Variants in KCND2 observed in about 807,000 individuals in gnomAD.
The protein encoded by KCND2 is A-type voltage-gated potassium channel KCND2.
A neutral mutation model predicts 54.4 loss-of-function variants in KCND2; 16 were observed. The ratio of observed to expected loss-of-function variants is 0.29; its 90% confidence interval spans 0.20 to 0.45. The LOEUF is 0.45. KCND2 is among the 20% of genes least tolerant of loss of function. KCND2 has a pLI of 1.00. For missense variants in KCND2, 486 were observed against 824.2 expected (o/e 0.59, Z 5.02); for synonymous variants, 317 against 310.7 (o/e 1.02, Z -0.21).
At chr7:120,362,530 T>C (rs1800606250) in intron 1 of KCND2, among the ~76,000 whole-genome samples, 1 of 152,034 alleles carries the variant, frequency 6.6e-6, no homozygotes, top group Non-Finnish European at 1.5e-5. Flanking sequence ...AAATAGAATG[T>C]GAATGTTGCA....
At chr7:120,603,342 C>T (rs1245055333) in intron 1 of KCND2, among the ~76,000 whole-genome samples, 4 of 152,164 alleles carry the variant, frequency 2.6e-5, no homozygotes, top group South Asian at 2.1e-4. Context: ...CCTTCTGAAT[C>T]GCACTTTTTC....
intron 1 of KCND2, among the ~76,000 whole-genome samples, chr7:120,584,175 C>T (rs1792558231): frequency 6.6e-6 from 1 of 152,282 alleles, no homozygotes; most frequent in African/African-American, 2.4e-5. Context: ...GCTTTCTATC[C>T]TCTTTGGGGG....
intron 1 of KCND2, among the ~76,000 whole-genome samples, chr7:120,646,470 A>T (rs966122145): frequency 6.6e-6 from 1 of 151,964 alleles, no homozygotes; most frequent in Non-Finnish European, 1.5e-5. Flanking sequence ...TTGTCTTTCA[A>T]TTTTGTTTAT....
chr7:120,360,059 A>G (rs910844105), intron 1 of KCND2, among the ~76,000 whole-genome samples: 2 of 152,116 alleles, frequency 1.3e-5, no homozygotes, highest in African/African-American at 4.8e-5. Flanking sequence ...GGACTAATAC[A>G]AGATCTAAGT....
chr7:120,426,175 A>T (rs1271647859), intron 1 of KCND2, among the ~76,000 whole-genome samples: 1 of 152,176 alleles, frequency 6.6e-6, no homozygotes, highest in Non-Finnish European at 1.5e-5. Context: ...AAGAAACAAA[A>T]TAAAAATTAA....
chr7:120,536,763 G>A (rs1012841538), intron 1 of KCND2, among the ~76,000 whole-genome samples: 1 of 151,996 alleles, frequency 6.6e-6, no homozygotes, highest in African/African-American at 2.4e-5. Flanking sequence ...TAGTTCTCTT[G>A]GTGTTCATGA....
intron 1 of KCND2, among the ~76,000 whole-genome samples, chr7:120,558,626 T>C (rs1016763353): frequency 2.5e-4 from 38 of 152,178 alleles, no homozygotes; most frequent in Non-Finnish European, 5.0e-4. Context: ...GATTCTTTCA[T>C]TGAAAATAAT....
chr7:120,655,841 AAAAC>A (rs1213817857), intron 1 of KCND2, among the ~76,000 whole-genome samples: 1 of 152,104 alleles, frequency 6.6e-6, no homozygotes, highest in Non-Finnish European at 1.5e-5. Context: ...TAAAGATCCT[AAAAC>A]AAACACTATC....
intron 1 of KCND2, among the ~76,000 whole-genome samples, chr7:120,403,865 T>TA (rs933577319): frequency 3.3e-5 from 5 of 151,828 alleles, no homozygotes; most frequent in African/African-American, 4.8e-5. Flanking sequence ...CTTCTGCCTA[T>TA]AAAAAAAATT....
chr7:120,479,544 G>T (rs1802573445), intron 1 of KCND2, among the ~76,000 whole-genome samples: 2 of 151,278 alleles, frequency 1.3e-5, no homozygotes, highest in Non-Finnish European at 2.9e-5. Context: ...TCAAATCTCT[G>T]GTTTACTATT....
Position 120,644,493 on chromosome 7 carries a change from A to G in KCND2, c.1116-88410A>G, listed in dbSNP as rs1403208210. On this transcript the variant is annotated intron_variant, in intron 1 of 5. Coordinates refer to ENST00000331113, the MANE Select transcript of KCND2 (RefSeq NM_012281.3). ...AATAACAAACTACCAGGAAATGCCC[A>G]TATTTAATTTCTGTAATACAAAACT... is the stretch of plus-strand genomic sequence containing the variant. Among the ~76,000 whole-genome samples, 5 of 152,346 alleles carry G rather than the reference A, an allele frequency of 3.3e-5. No individual in the cohort carries two copies. The East Asian group carries it at 9.6e-4, about 29-fold the overall frequency.
chr7:120,601,433 G>A (rs942076553), intron 1 of KCND2, among the ~76,000 whole-genome samples: 1 of 152,058 alleles, frequency 6.6e-6, no homozygotes, highest in Non-Finnish European at 1.5e-5. Context: ...AAGAAAGATC[G>A]AAAGGACATT....
At chr7:120,517,907 C>G (rs1300245648) in intron 1 of KCND2, among the ~76,000 whole-genome samples, 1 of 152,066 alleles carries the variant, frequency 6.6e-6, no homozygotes. Flanking sequence ...TGGCATGTAC[C>G]AGATGTCTTC....
At chr7:120,679,484 C>T (rs1792113305) in intron 1 of KCND2, among the ~76,000 whole-genome samples, 1 of 151,976 alleles carries the variant, frequency 6.6e-6, no homozygotes, top group African/African-American at 2.4e-5. Flanking sequence ...AATCTTTTGA[C>T]TGAAAAGGGA....
chr7:120,472,773 G>T (rs978605873), intron 1 of KCND2, among the ~76,000 whole-genome samples: 6 of 152,150 alleles, frequency 3.9e-5, no homozygotes, highest in Admixed American at 6.6e-5. Flanking sequence ...GCAGATCGAG[G>T]ATTGGCAATA....
At chr7:120,570,583 CT>C (rs1792353012) in intron 1 of KCND2, among the ~76,000 whole-genome samples, 2 of 151,998 alleles carry the variant, frequency 1.3e-5, no homozygotes, top group South Asian at 4.1e-4. Context: ...TTGCATTTTT[CT>C]GTTTCTCTCT....
intron 1 of KCND2, among the ~76,000 whole-genome samples, chr7:120,283,154 A>T (rs2116259662): frequency 6.6e-6 from 1 of 152,276 alleles, no homozygotes; most frequent in South Asian, 2.1e-4. Flanking sequence ...AGAGAAAAGG[A>T]GTACAAAGAC....
intron 1 of KCND2, among the ~76,000 whole-genome samples, chr7:120,596,183 A>C (rs1248692166): frequency 6.6e-6 from 1 of 152,132 alleles, no homozygotes; most frequent in African/African-American, 2.4e-5. Flanking sequence ...GATATATCCA[A>C]TTTTTGTAAG....
intron 1 of KCND2, among the ~76,000 whole-genome samples, chr7:120,499,999 T>A (rs9886214): frequency 0.061 from 9,232 of 152,162 alleles, 581 homozygotes; most frequent in African/African-American, 0.17. Context: ...TAGCCATAGA[T>A]GCAAAAGAGA....
Sources: allele counts gnomAD v4.1 joint callset (sites outside exome capture counted in the v4.1 genomes callset), GRCh38; gene constraint gnomAD v4.1.1; transcripts MANE v1.5; gene names NCBI Gene and HGNC (gene_info 2026-07-23, HGNC 2026-07-21).